The following PNPLA7 variants were observed in gnomAD, a reference collection of about 807,000 sequenced individuals.
PNPLA7 encodes the protein patatin-like phospholipase domain-containing protein 7.
A neutral mutation model predicts 161.7 loss-of-function variants in PNPLA7; 153 were observed. That is an observed-to-expected ratio of 0.95 (90% CI 0.83 to 1.08). PNPLA7 has a LOEUF of 1.08. Ranked by LOEUF, PNPLA7 falls within the 50% of genes least tolerant of loss-of-function variation. PNPLA7 has a pLI of 0.00. For missense variants in PNPLA7, 1,739 were observed against 1,856.6 expected (o/e 0.94, Z 1.16); for synonymous variants, 809 against 782.1 (o/e 1.03, Z -0.57).
intron 8 of PNPLA7, among the ~76,000 whole-genome samples, chr9:137,531,482 G>T (rs988942162): frequency 6.6e-6 from 1 of 152,182 alleles, no homozygotes; most frequent in South Asian, 2.1e-4. Context: ...TGGACACGCA[G>T]CTCCTCTGGC....
At position 137,547,460 on chromosome 9, in the gene PNPLA7, C is replaced by G. The variant is rs539494651; in HGVS notation, c.106-64G>C. On this transcript the variant is annotated intron_variant, in intron 2 of 34. Coordinates refer to ENST00000406427, the MANE Select transcript of PNPLA7 (RefSeq NM_001098537.3). This position sits in a 1 kb window ranked among gnomAD's most constrained non-coding sequence, Gnocchi z 4.6. ...CACAAACCTAACCCTAGCCCTAAGC[C>G]TGCCCCCACCCCTGGCTGCCCAACC... 9.4e-5 allele frequency: 151 copies of G among 1,600,192 alleles called. 1 individual carries two copies. The South Asian group carries it at 1.6e-3, about 17-fold the overall frequency.
chr9:137,461,902 C>T lies in PNPLA7; in HGVS notation c.3756+29G>A, dbSNP rs368010027. On this transcript the variant is annotated intron_variant, in intron 32 of 34. Transcript: ENST00000406427. ...GAAGAACTGGGCGCGGTCCGGGGAG[C>T]TGGGCGTGGTCCGGACGCCCGTACT... The T allele has an allele frequency of 2.8e-4, 426 of 1,519,636 alleles. 2 individuals are homozygous for T. The East Asian group carries it at 4.4e-3, about 16-fold the overall frequency. 94.1% of individuals were successfully genotyped at this position (1,519,636 alleles called of 1,614,324 possible).
chr9:137,543,384 G>A lies in PNPLA7; in HGVS notation c.506+48C>T, dbSNP rs371724613. 56 of 1,612,304 alleles carry A rather than the reference G, an allele frequency of 3.5e-5. No homozygotes were observed. In the Middle Eastern group the frequency reaches 5.1e-4, roughly 15 times the overall value. On this transcript the variant is annotated intron_variant, in intron 6 of 34. Coordinates refer to ENST00000406427, the MANE Select transcript of PNPLA7 (RefSeq NM_001098537.3). The surrounding 1 kb of genome is among the most constrained non-coding windows in gnomAD (Gnocchi z 6.9). ...GGAGCCAGGCCCCAGCGAGAAGCCC[G>A]GGGCTATGGGAGCTGCCGCAGCCCC...
At chr9:137,498,847 A>G (rs1192006437) in intron 16 of PNPLA7, among the ~76,000 whole-genome samples, 1 of 152,064 alleles carries the variant, frequency 6.6e-6, no homozygotes, top group Non-Finnish European at 1.5e-5. Context: ...CAGGTGTGAG[A>G]GTGACGCCGG....
At position 137,505,659 on chromosome 9, in the gene PNPLA7, G is replaced by C. The variant is rs75358302; in HGVS notation, c.1428C>G (p.Ile476Met). The part of the protein sequence containing the change: ...ETLASRKSDA[I>M]FRAAKKDLLT... ...GCAGGTCCTTCTTGGCAGCTCTGAA[G>C]ATGGCATCCGACTTCCTGCTGGCCA... The change falls in exon 14 of 35, where the codon ATC becomes ATG. Residue 476 changes from isoleucine to methionine, a missense_variant. Physicochemically the swap from Ile to Met is conservative, Grantham distance 10. Coordinates refer to ENST00000406427, the MANE Select transcript of PNPLA7 (RefSeq NM_001098537.3). 6.2e-7 allele frequency: 1 copy of C among 1,614,126 alleles called. No homozygotes were observed. Among genetic ancestry groups the C allele is most frequent in the South Asian group, 1.1e-5 (1 of 91,090 alleles).
intron 18 of PNPLA7, among the ~76,000 whole-genome samples, chr9:137,496,082 G>A (rs1351888917): frequency 3.3e-5 from 5 of 152,040 alleles, no homozygotes; most frequent in Middle Eastern, 3.2e-3. Flanking sequence ...CCCAGGGGAG[G>A]GCACCTAGGC....
chr9:137,480,227 G>A (rs1173313163), intron 23 of PNPLA7, 85 bp downstream of exon 23: 1 of 1,473,374 alleles, frequency 6.8e-7, no homozygotes, highest in African/African-American at 1.4e-5. Context: ...CTGAGTTTGT[G>A]CAGTATTTTA....
chr9:137,464,525 C>T (rs1157813601), intron 26 of PNPLA7, 69 bp from the exon 27 acceptor site: 19 of 1,385,740 alleles, frequency 1.4e-5, no homozygotes, highest in East Asian at 4.6e-5. Context: ...AGACACGTGG[C>T]GTGCTGAGGG....
At chr9:137,527,518 G>C (rs1478946109) in intron 8 of PNPLA7, among the ~76,000 whole-genome samples, 2 of 152,128 alleles carry the variant, frequency 1.3e-5, no homozygotes, top group Non-Finnish European at 2.9e-5. Context: ...TAATCAGATG[G>C]CTTTTCTTCT....
intron 26 of PNPLA7, among the ~76,000 whole-genome samples, chr9:137,465,898 C>T (rs559086672): frequency 2.6e-5 from 4 of 152,182 alleles, no homozygotes; most frequent in Non-Finnish European, 4.4e-5. Flanking sequence ...AGCCTGGCTG[C>T]CTCCCTCTGC....
intron 8 of PNPLA7, among the ~76,000 whole-genome samples, chr9:137,526,138 T>G (rs35982924): frequency 0.014 from 2,064 of 152,332 alleles, 47 homozygotes; most frequent in African/African-American, 0.047. Flanking sequence ...TATTATACTG[T>G]AACAGCTCGT....
At chr9:137,483,234 G>A (rs764777095) in intron 21 of PNPLA7, among the ~76,000 whole-genome samples, 5 of 152,054 alleles carry the variant, frequency 3.3e-5, no homozygotes, top group African/African-American at 7.2e-5. Flanking sequence ...CGCACAACTC[G>A]AAGATGTTTC....
chr9:137,496,343 G>C (rs957802230), intron 18 of PNPLA7, among the ~76,000 whole-genome samples: 1 of 151,478 alleles, frequency 6.6e-6, no homozygotes, highest in Non-Finnish European at 1.5e-5. Context: ...CCAACCTCAG[G>C]TGGTCCACCC....
chr9:137,515,660 C>G, intron 11 of PNPLA7, 141 bp from the exon 12 acceptor site: 2 of 1,100,762 alleles, frequency 1.8e-6, no homozygotes, highest in Non-Finnish European at 2.5e-6. Context: ...CCACCGGCCA[C>G]CAGGCCTCTG....
At chr9:137,460,900 C>T (rs954127561) in intron 33 of PNPLA7, 163 bp from the exon 34 acceptor site, 6 of 611,516 alleles carry the variant, frequency 9.8e-6, no homozygotes, top group Non-Finnish European at 1.7e-5. Context: ...CCCTGCACAC[C>T]ACCCCTGGTT....
intron 1 of PNPLA7, 28 bp downstream of exon 1, chr9:137,550,140 C>G (rs1320580319): frequency 6.2e-7 from 1 of 1,612,646 alleles, no homozygotes; most frequent in Non-Finnish European, 8.5e-7. Flanking sequence ...CTGGGAAATC[C>G]AGGCATCTGG....
chr9:137,515,353 G>C, intron 12 of PNPLA7, 26 bp downstream of exon 12: 1 of 1,592,636 alleles, frequency 6.3e-7, no homozygotes, highest in Admixed American at 1.8e-5. Flanking sequence ...GGTCACACTG[G>C]CTGGGCAGCC....
chr9:137,518,771 T>C (rs867794976), intron 11 of PNPLA7, among the ~76,000 whole-genome samples: 119 of 14,670 alleles, frequency 8.1e-3, no homozygotes, highest in East Asian at 0.014. Flanking sequence ...CTCCACTCTG[T>C]CCACTCCATC....
rs1431946434 is a variant in PNPLA7 at position 137,515,528 on chromosome 9, G to A, written c.1085-9C>T. The A allele has an allele frequency of 2.0e-6, 3 of 1,536,084 alleles. No individual in the cohort carries two copies. In the East Asian group the frequency reaches 7.0e-5, roughly 36 times the overall value. On this transcript the variant is annotated splice_polypyrimidine_tract_variant and intron_variant, in intron 11 of 34. Coordinates refer to ENST00000406427, the MANE Select transcript of PNPLA7 (RefSeq NM_001098537.3). ...GCGGCCGCCCCCGTGATCTGCTGGGGAGGCAGCCGTAAGCAACCTTGTTTG... is the reference window on the plus strand; with the variant it reads ...GCGGCCGCCCCCGTGATCTGCTGGGAAGGCAGCCGTAAGCAACCTTGTTTG...
Sources: allele counts gnomAD v4.1 joint callset (sites outside exome capture counted in the v4.1 genomes callset), GRCh38; gene constraint gnomAD v4.1.1; non-coding constraint Gnocchi (gnomAD v3.1); transcripts MANE v1.5; gene names NCBI Gene and HGNC (gene_info 2026-07-23, HGNC 2026-07-21).